PTPN21: variants seen among roughly 807,000 people sequenced by gnomAD.
PTPN21 encodes protein tyrosine phosphatase non-receptor type 21.
In PTPN21, 77 loss-of-function variants were observed where a neutral mutation model predicts 131.8. That is an observed-to-expected ratio of 0.58 (90% confidence interval 0.49 to 0.71). PTPN21 has a LOEUF of 0.71. Among genes scored for constraint, PTPN21 ranks in the 30% least tolerant of loss-of-function variants. PTPN21 has a pLI of 0.00. For missense variants in PTPN21, 1,552 were observed against 1,527.1 expected, an observed-to-expected ratio of 1.02 and a Z score of -0.27; for synonymous variants, 715 against 621.3, an observed-to-expected ratio of 1.15 and a Z score of -2.24.
At chr14:88,550,696 T>A (rs2078852907) in intron 1 of PTPN21, 77 bp from the exon 2 acceptor site, 1 of 311,210 alleles carries the variant, frequency 3.2e-6, no homozygotes, top group Non-Finnish European at 6.0e-6. Flanking sequence ...CCAGTCAAGC[T>A]GTGGCCAAAG....
At chr14:88,523,041 G>C (rs184714194) in intron 2 of PTPN21, among the ~76,000 whole-genome samples, 1 of 150,592 alleles carries the variant, frequency 6.6e-6, no homozygotes, top group African/African-American at 2.4e-5. Context: ...AAACAAACAA[G>C]GTGGGGAGTG....
At chr14:88,537,750 T>C (rs1010158660) in intron 2 of PTPN21, among the ~76,000 whole-genome samples, 2 of 152,186 alleles carry the variant, frequency 1.3e-5, no homozygotes, top group African/African-American at 4.8e-5. Flanking sequence ...TGGGAATGCA[T>C]CATTAGGCTA....
intron 18 of PTPN21, among the ~76,000 whole-genome samples, 180 bp downstream of exon 18, chr14:88,468,736 T>C (rs557134269): frequency 6.6e-6 from 1 of 152,208 alleles, no homozygotes; most frequent in African/African-American, 2.4e-5. Context: ...GTCTTTAATA[T>C]GCTAATTGGT....
At chr14:88,508,490 T>C (rs1325993859) in intron 3 of PTPN21, among the ~76,000 whole-genome samples, 1 of 152,102 alleles carries the variant, frequency 6.6e-6, no homozygotes, top group East Asian at 1.9e-4. Flanking sequence ...CTCAACCACA[T>C]GACACTTACA....
intron 2 of PTPN21, among the ~76,000 whole-genome samples, chr14:88,538,253 A>G (rs1344581820): frequency 6.6e-6 from 1 of 152,312 alleles, no homozygotes; most frequent in East Asian, 1.9e-4. Flanking sequence ...CAACGGACTC[A>G]CTGCCTCTAC....
Position 88,534,986 on chromosome 14 carries a change from A to G in PTPN21, c.180+15252T>C, listed in dbSNP as rs184136309. The stretch of plus-strand genomic sequence containing the variant: ...TGCAACTTCCTAGGCCTTCGTATTC[A>G]CTGACTCACCCACAGCAACTTTTAG... On this transcript the variant is annotated intron_variant, in intron 2 of 18. Coordinates refer to ENST00000556564, the MANE Select transcript of PTPN21 (RefSeq NM_007039.4). Among the ~76,000 whole-genome samples the G allele has an allele frequency of 3.7e-3, 556 of 152,326 alleles. 1 individual carries two copies. Among genetic ancestry groups the G allele is most frequent in the Non-Finnish European group, 5.2e-3 (357 of 68,022 alleles).
chr14:88,506,059 G>A (rs1264559677), intron 4 of PTPN21, among the ~76,000 whole-genome samples: 1 of 152,098 alleles, frequency 6.6e-6, no homozygotes, highest in Non-Finnish European at 1.5e-5. Context: ...AATCTTCCCA[G>A]CCAGGCACAG....
rs2077414186 is a variant in PTPN21, at chr14:88,469,173, G to A, written c.3236-97C>T. The A allele has an allele frequency of 3.7e-6, 5 of 1,348,244 alleles. No individual in the cohort carries two copies. The highest frequency in any genetic ancestry group is 5.0e-6 in the Non-Finnish European group (5 of 992,126). 83.5% of individuals were successfully genotyped at this position (1,348,244 alleles called of 1,614,324 possible). On this transcript the variant is annotated intron_variant, in intron 17 of 18. Coordinates refer to ENST00000556564, the MANE Select transcript of PTPN21 (RefSeq NM_007039.4). This position sits in a 1 kb window ranked among gnomAD's most constrained non-coding sequence, Gnocchi z 4.3. ...ATTCTCTCCACTGATTAAGAGGACTGCAGATAAAGAGCACTGGGTGCCAGT... is the reference window on the plus strand; with the variant it reads ...ATTCTCTCCACTGATTAAGAGGACTACAGATAAAGAGCACTGGGTGCCAGT...
At chr14:88,522,355 G>C (rs1480342346) in intron 2 of PTPN21, among the ~76,000 whole-genome samples, 1 of 149,926 alleles carries the variant, frequency 6.7e-6, no homozygotes, top group Non-Finnish European at 1.5e-5. Flanking sequence ...TTGAACCCAG[G>C]AGGTGGAAGT....
intron 2 of PTPN21, among the ~76,000 whole-genome samples, chr14:88,527,535 T>TTTCTCACTG (rs1256939335): frequency 2.6e-5 from 4 of 152,208 alleles, no homozygotes; most frequent in Admixed American, 6.5e-5. Context: ...TTGTCTGAGT[T>TTTCTCACTG]CCTTGTGGAT....
chr14:88,481,308 C>A (rs2077649334), intron 12 of PTPN21, among the ~76,000 whole-genome samples: 1 of 152,194 alleles, frequency 6.6e-6, no homozygotes. Flanking sequence ...GCACTCAAAT[C>A]TCCATGGTAT....
At chr14:88,482,345 C>T (rs1031264489) in intron 12 of PTPN21, among the ~76,000 whole-genome samples, 1 of 152,196 alleles carries the variant, frequency 6.6e-6, no homozygotes, top group African/African-American at 2.4e-5. Flanking sequence ...CTGCACACAG[C>T]CGTGTGCAGT....
At chr14:88,517,322 A>C in intron 2 of PTPN21, 61 bp from the exon 3 acceptor site, 1 of 1,558,310 alleles carries the variant, frequency 6.4e-7, no homozygotes, top group Non-Finnish European at 8.8e-7. Flanking sequence ...CAATGACTTC[A>C]GTCGCACTAA....
rs369873448 is a variant in PTPN21 at position 88,496,415 on chromosome 14, G to A, written c.930C>T (p.Asn310=). The change falls in exon 10 of 19, where the codon AAC becomes AAT. Residue 310 remains asparagine, a splice_region_variant and synonymous_variant. Coordinates refer to ENST00000556564, the MANE Select transcript of PTPN21 (RefSeq NM_007039.4). ...TTCCATGAGCAGGACATACTTACAG[G>A]TTACACTGGTTTAGTCTGTAAAACT... is the stretch of plus-strand genomic sequence containing the variant. ...RHKFYRLNQC[N]LQTQTVTVNP... is the part of the protein sequence containing the mutation. 3.7e-6 allele frequency: 6 copies of A among 1,608,020 alleles called. No homozygotes were observed. Among genetic ancestry groups the A allele is most frequent in the Non-Finnish European group, 4.3e-6 (5 of 1,174,728 alleles).
rs10587204 is a variant in PTPN21, at chr14:88,526,547, C to CAAAAAA, written c.181-9292_181-9287dup. Among the ~76,000 whole-genome samples the CAAAAAA allele has an allele frequency of 4.0e-3, 229 of 56,914 alleles. 26 individuals are homozygous for CAAAAAA. The highest frequency in any genetic ancestry group is 0.016 in the African/African-American group (190 of 12,154). The allele number at this position is 56,914 out of a possible 152,430, so 37.3% of individuals were successfully genotyped here. ...CCTGGGCAATAGAGCGAGATGATCTCAAAAAAAAAAAAAAAAAAAAAAAAA... is the reference window on the plus strand; with the variant it reads ...CCTGGGCAATAGAGCGAGATGATCTCAAAAAAAAAAAAAAAAAAAAAAAAAAAAAAA... On this transcript the variant is annotated intron_variant, in intron 2 of 18. Transcript: ENST00000556564.
At chr14:88,483,063 T>A (rs1160547508) in intron 12 of PTPN21, among the ~76,000 whole-genome samples, 1 of 151,630 alleles carries the variant, frequency 6.6e-6, no homozygotes, top group East Asian at 2.0e-4. Context: ...ATACAAAAAA[T>A]TAGCCGGGCG....
rs144620425 is a variant in PTPN21 at position 88,507,931 on chromosome 14, G to A, written c.440C>T (p.Ala147Val). Residue 147 changes from alanine (A) to valine (V), a missense_variant, in exon 4 of 19, where the codon GCT becomes GTT. Physicochemically the swap from Ala to Val is moderately conservative, Grantham distance 64. Coordinates refer to ENST00000556564, the MANE Select transcript of PTPN21 (RefSeq NM_007039.4). ...LEQAIQLAGL[A>V]VQADFGDFDQ... ...GAATTGATCTTATTTACCTTGAACA[G>A]CTAAGCCTGCTAGCTGAATTGCTTG... 6.3e-7 allele frequency: 1 copy of A among 1,591,844 alleles called. No homozygotes were observed. The highest frequency in any genetic ancestry group is 2.2e-5 in the East Asian group (1 of 44,674).
chr14:88,494,124 G>A (rs953913895), intron 10 of PTPN21, among the ~76,000 whole-genome samples: 3 of 152,146 alleles, frequency 2.0e-5, no homozygotes, highest in South Asian at 2.1e-4. Context: ...CATAGTGGAA[G>A]GGGGGTACCA....
intron 10 of PTPN21, among the ~76,000 whole-genome samples, chr14:88,486,669 G>C (rs966501873): frequency 6.6e-6 from 1 of 151,972 alleles, no homozygotes; most frequent in African/African-American, 2.4e-5. Flanking sequence ...GATTTGTTTT[G>C]AATATACTTT....
Sources: gnomAD v4.1 joint callset for allele counts (sites outside exome capture counted in the v4.1 genomes callset) on GRCh38, gnomAD v4.1.1 for gene constraint, Gnocchi (gnomAD v3.1) non-coding constraint, MANE v1.5 for transcripts, NCBI Gene and HGNC (gene_info 2026-07-23, HGNC 2026-07-21) for gene names.